The following GRID2 variants were observed in gnomAD, a reference collection of about 807,000 sequenced individuals.
GRID2 encodes the protein glutamate receptor ionotropic, delta-2.
GRID2 carries 33 observed loss-of-function variants against 114.8 expected under a neutral mutation model. The observed-to-expected ratio is 0.29, with a 90% confidence interval of 0.22 to 0.38. GRID2 has a LOEUF of 0.38. GRID2 is among the 10% of genes least tolerant of loss of function. GRID2 has a pLI of 1.00. For synonymous variants in GRID2, 505 were observed against 449.9 expected, an observed-to-expected ratio of 1.12 and a Z score of -1.55; for missense variants, 1,184 against 1,257.7, an observed-to-expected ratio of 0.94 and a Z score of 0.89.
At chr4:92,681,401 T>G (rs899112865) in intron 2 of GRID2, among the ~76,000 whole-genome samples, 1 of 152,142 alleles carries the variant, frequency 6.6e-6, no homozygotes, top group Admixed American at 6.6e-5. Context: ...TGAGAACATG[T>G]GGTGTTTGGT....
chr4:93,521,437 G>C (rs563629348), intron 13 of GRID2, among the ~76,000 whole-genome samples: 1 of 152,262 alleles, frequency 6.6e-6, no homozygotes, highest in African/African-American at 2.4e-5. Context: ...GAAAACAAGA[G>C]AGAGTAAGTG....
At chr4:92,905,727 T>G (rs1350916689) in intron 2 of GRID2, among the ~76,000 whole-genome samples, 1 of 152,104 alleles carries the variant, frequency 6.6e-6, no homozygotes, top group African/African-American at 2.4e-5. Flanking sequence ...AGTCTAGAAC[T>G]CACATCTTAA....
At chr4:92,900,136 C>A (rs1047848083) in intron 2 of GRID2, among the ~76,000 whole-genome samples, 3 of 152,096 alleles carry the variant, frequency 2.0e-5, no homozygotes, top group Non-Finnish European at 2.9e-5. Flanking sequence ...AACTTTAATT[C>A]TTATTTAGGT....
intron 1 of GRID2, among the ~76,000 whole-genome samples, chr4:92,398,420 C>T (rs1402244654): frequency 6.6e-6 from 1 of 152,090 alleles, no homozygotes; most frequent in Non-Finnish European, 1.5e-5. Context: ...CCTGCCTCGG[C>T]CTCCAGAGTA....
intron 8 of GRID2, among the ~76,000 whole-genome samples, chr4:93,243,153 A>G (rs1747742837): frequency 6.6e-6 from 1 of 151,918 alleles, no homozygotes. Context: ...TAATTTTGAA[A>G]TTTTCATTTT....
chr4:92,441,399 G>A (rs556151874), intron 1 of GRID2, among the ~76,000 whole-genome samples: 11 of 152,244 alleles, frequency 7.2e-5, no homozygotes, highest in East Asian at 5.8e-4. Context: ...AAGTGAAAGC[G>A]AAGAGAGGCT....
At chr4:93,743,522 G>C (rs1276130743) in intron 14 of GRID2, among the ~76,000 whole-genome samples, 1 of 152,240 alleles carries the variant, frequency 6.6e-6, no homozygotes, top group East Asian at 1.9e-4. Flanking sequence ...CTCGCTGGAA[G>C]ATTGGGCATC....
intron 2 of GRID2, among the ~76,000 whole-genome samples, chr4:93,021,816 T>C (rs988353443): frequency 6.8e-6 from 1 of 146,552 alleles, no homozygotes; most frequent in Non-Finnish European, 1.5e-5. Flanking sequence ...TAAATTTTAA[T>C]ATACTTATAT....
chr4:93,023,131 ATG>A (rs57903930), intron 2 of GRID2, among the ~76,000 whole-genome samples: 87 of 138,760 alleles, frequency 6.3e-4, no homozygotes, highest in Middle Eastern at 3.8e-3. Flanking sequence ...GTGTGTATGT[ATG>A]TGTGTGTGTG....
intron 14 of GRID2, among the ~76,000 whole-genome samples, chr4:93,744,296 G>A (rs927095134): frequency 1.3e-5 from 2 of 152,170 alleles, no homozygotes; most frequent in African/African-American, 4.8e-5. Context: ...CATTTTGGCT[G>A]TAGCTACCAT....
intron 13 of GRID2, among the ~76,000 whole-genome samples, chr4:93,606,539 C>G (rs115920033): frequency 0.016 from 2,437 of 152,168 alleles, 73 homozygotes; most frequent in African/African-American, 0.055. Flanking sequence ...AACTTTCTCC[C>G]TAGTATTTTT....
intron 2 of GRID2, among the ~76,000 whole-genome samples, chr4:92,935,397 G>C (rs531620588): frequency 6.8e-6 from 1 of 146,836 alleles, no homozygotes; most frequent in African/African-American, 2.4e-5. Flanking sequence ...AGGTGCTGGA[G>C]AGGATGTGGA....
chr4:93,544,880 G>A (rs375650675), intron 13 of GRID2, among the ~76,000 whole-genome samples: 9 of 152,062 alleles, frequency 5.9e-5, no homozygotes, highest in South Asian at 4.2e-4. Flanking sequence ...ATTTAAACTC[G>A]TGGCTATCTG....
chr4:92,930,681 A>G (rs900694672), intron 2 of GRID2, among the ~76,000 whole-genome samples: 7 of 150,504 alleles, frequency 4.7e-5, no homozygotes, highest in African/African-American at 1.7e-4. Context: ...TGAAATTAGC[A>G]AATTAAAATA....
chr4:92,521,398 A>G (rs1724770578), intron 1 of GRID2, among the ~76,000 whole-genome samples: 1 of 152,000 alleles, frequency 6.6e-6, no homozygotes, highest in African/African-American at 2.4e-5. Flanking sequence ...GCTACATTTT[A>G]ATAGTATCGA....
At chr4:92,632,719 T>G (rs1579724943) in intron 2 of GRID2, among the ~76,000 whole-genome samples, 32 of 127,140 alleles carry the variant, frequency 2.5e-4, no homozygotes, top group South Asian at 7.5e-4. Context: ...AGGGAAGGAG[T>G]GAAGAAAGGG....
At chr4:93,295,909 G>T (rs1177758495) in intron 8 of GRID2, among the ~76,000 whole-genome samples, 2 of 152,216 alleles carry the variant, frequency 1.3e-5, no homozygotes, top group African/African-American at 4.8e-5. Context: ...CCTTGAGTAT[G>T]TTGGATTTAG....
At chr4:93,002,097 A>G (rs947470022) in intron 2 of GRID2, among the ~76,000 whole-genome samples, 3 of 151,730 alleles carry the variant, frequency 2.0e-5, no homozygotes, top group African/African-American at 4.8e-5. Flanking sequence ...GTACAGCTAC[A>G]TTGTTTTTCC....
intron 1 of GRID2, among the ~76,000 whole-genome samples, chr4:92,442,072 C>T (rs1437670710): frequency 1.3e-4 from 19 of 150,580 alleles, no homozygotes; most frequent in Non-Finnish European, 2.2e-4. Context: ...GTTATGGAGG[C>T]AAGGGAAACA....
Sources: allele counts gnomAD v4.1 joint callset (sites outside exome capture counted in the v4.1 genomes callset), GRCh38; gene constraint gnomAD v4.1.1; transcripts MANE v1.5; gene names NCBI Gene and HGNC (gene_info 2026-07-23, HGNC 2026-07-21).